Variants in CDH18 observed in about 807,000 individuals in gnomAD.
CDH18 encodes the protein cadherin 18, also known as cadherin-18.
Under a neutral mutation model 67.9 loss-of-function variants are expected in CDH18, and 31 were observed. That is an observed-to-expected ratio of 0.46 (90% CI 0.34 to 0.62). CDH18 has a LOEUF of 0.62. Among genes scored for constraint, CDH18 ranks in the 20% least tolerant of loss-of-function variants. The pLI is 0.01. For missense variants in CDH18, 890 were observed against 975.5 expected, an observed-to-expected ratio of 0.91 and a Z score of 1.17; for synonymous variants, 362 against 347.2, an observed-to-expected ratio of 1.04 and a Z score of -0.48.
At chr5:20,066,421 C>T (rs529889778) in intron 2 of CDH18, among the ~76,000 whole-genome samples, 36 of 151,970 alleles carry the variant, frequency 2.4e-4, no homozygotes, top group Non-Finnish European at 2.5e-4. Context: ...TATTCAAGGT[C>T]GTATTATCAC....
At chr5:20,155,557 T>C (rs188067530) in intron 2 of CDH18, among the ~76,000 whole-genome samples, 2 of 152,296 alleles carry the variant, frequency 1.3e-5, no homozygotes, top group African/African-American at 2.4e-5. Flanking sequence ...TCTTTTGTTG[T>C]GTAAAAGCTT....
At chr5:20,123,560 C>T (rs1748553075) in intron 2 of CDH18, among the ~76,000 whole-genome samples, 1 of 152,188 alleles carries the variant, frequency 6.6e-6, no homozygotes, top group South Asian at 2.1e-4. Flanking sequence ...TAGTGTGCTA[C>T]TGACAATTGC....
chr5:20,518,499 A>C (rs1174865747), intron 1 of CDH18, among the ~76,000 whole-genome samples: 1 of 152,158 alleles, frequency 6.6e-6, no homozygotes, highest in East Asian at 1.9e-4. Context: ...TTATAACAAC[A>C]GAAAAATTAT....
At chr5:19,715,527 T>C (rs1301570887) in intron 5 of CDH18, among the ~76,000 whole-genome samples, 5 of 152,148 alleles carry the variant, frequency 3.3e-5, no homozygotes, top group South Asian at 2.1e-4. Flanking sequence ...AAAGGTTGGT[T>C]ATTTTATTGT....
intron 2 of CDH18, among the ~76,000 whole-genome samples, chr5:19,929,369 C>G (rs564891708): frequency 6.6e-6 from 1 of 152,178 alleles, no homozygotes; most frequent in Non-Finnish European, 1.5e-5. Flanking sequence ...ATGCAGAGGA[C>G]ACAGCAAGCA....
intron 1 of CDH18, among the ~76,000 whole-genome samples, chr5:20,366,583 A>G (rs1580841234): frequency 6.6e-6 from 1 of 152,288 alleles, no homozygotes; most frequent in East Asian, 1.9e-4. Context: ...TCTGTCACTT[A>G]CCTGCCTCAT....
chr5:20,401,755 C>A (rs1437660822), intron 1 of CDH18, among the ~76,000 whole-genome samples: 3 of 152,152 alleles, frequency 2.0e-5, no homozygotes, highest in Non-Finnish European at 4.4e-5. Flanking sequence ...GAAACTAGAC[C>A]AAATTATCAT....
intron 2 of CDH18, among the ~76,000 whole-genome samples, chr5:20,210,607 T>C (rs962124703): frequency 6.6e-6 from 1 of 151,986 alleles, no homozygotes; most frequent in African/African-American, 2.4e-5. Flanking sequence ...AAGGTCCTTT[T>C]TTTCTGTGAG....
intron 9 of CDH18, among the ~76,000 whole-genome samples, chr5:19,523,758 G>C (rs1747306057): frequency 6.6e-6 from 1 of 152,050 alleles, no homozygotes; most frequent in Non-Finnish European, 1.5e-5. Flanking sequence ...TCATGCTCTA[G>C]ATGATGTAAT....
At chr5:20,337,089 G>C (rs1281133017) in intron 1 of CDH18, among the ~76,000 whole-genome samples, 1 of 152,178 alleles carries the variant, frequency 6.6e-6, no homozygotes, top group East Asian at 1.9e-4. Flanking sequence ...CTGGAAACCT[G>C]ATTTCAGACC....
chr5:20,359,452 A>G (rs902184743), intron 1 of CDH18, among the ~76,000 whole-genome samples: 3 of 152,160 alleles, frequency 2.0e-5, no homozygotes, highest in African/African-American at 4.8e-5. Flanking sequence ...GGGATCTTAC[A>G]TTGTTCTCAC....
intron 3 of CDH18, among the ~76,000 whole-genome samples, chr5:19,833,461 T>C (rs1781279052): frequency 1.3e-5 from 2 of 152,324 alleles, no homozygotes; most frequent in African/African-American, 4.8e-5. Context: ...TCATGTCATC[T>C]GCAAACAGAG....
At chr5:19,651,775 C>T (rs1755618761) in intron 5 of CDH18, among the ~76,000 whole-genome samples, 1 of 152,042 alleles carries the variant, frequency 6.6e-6, no homozygotes, top group Admixed American at 6.6e-5. Context: ...CAATAATTAT[C>T]AGTCTAAATA....
intron 5 of CDH18, among the ~76,000 whole-genome samples, chr5:19,676,946 T>G (rs1255559093): frequency 6.6e-6 from 1 of 152,104 alleles, no homozygotes; most frequent in Admixed American, 6.6e-5. Context: ...CTTCCACTCC[T>G]GCTCTAAAAC....
chr5:20,035,631 C>A (rs1739788892), intron 2 of CDH18, among the ~76,000 whole-genome samples: 1 of 151,954 alleles, frequency 6.6e-6, no homozygotes, highest in Admixed American at 6.6e-5. Flanking sequence ...ATGGGAGAAA[C>A]CATCCCCATG....
At chr5:19,732,126 C>T (rs1208451496) in intron 4 of CDH18, among the ~76,000 whole-genome samples, 1 of 151,176 alleles carries the variant, frequency 6.6e-6, no homozygotes, top group Non-Finnish European at 1.5e-5. Context: ...TTTTTTAAAA[C>T]TATGAGAAAG....
At chr5:20,077,959 C>T (rs767347293) in intron 2 of CDH18, among the ~76,000 whole-genome samples, 84 of 152,150 alleles carry the variant, frequency 5.5e-4, no homozygotes, top group Non-Finnish European at 7.2e-4. Flanking sequence ...ATGTCAACTT[C>T]TCCAAGAGTC....
At chr5:20,091,105 T>C (rs1745381192) in intron 2 of CDH18, among the ~76,000 whole-genome samples, 1 of 151,820 alleles carries the variant, frequency 6.6e-6, no homozygotes, top group Non-Finnish European at 1.5e-5. Flanking sequence ...GAAAAATATT[T>C]ATGACCTTTA....
At chr5:19,650,459 G>C (rs1045524670) in intron 5 of CDH18, among the ~76,000 whole-genome samples, 2 of 151,948 alleles carry the variant, frequency 1.3e-5, no homozygotes, top group African/African-American at 4.8e-5. Flanking sequence ...CAATAAATAA[G>C]ACAAATTGAA....
Sources: allele counts gnomAD v4.1 joint callset (sites outside exome capture counted in the v4.1 genomes callset), GRCh38; gene constraint gnomAD v4.1.1; transcripts MANE v1.5; gene names NCBI Gene and HGNC (gene_info 2026-07-23, HGNC 2026-07-21).